Variants in PCDH11X observed in about 807,000 individuals in gnomAD.
PCDH11X encodes protocadherin-11 X-linked.
PCDH11X carries 18 observed loss-of-function variants against 53.3 expected under a neutral mutation model. The ratio of observed to expected loss-of-function variants is 0.34; its 90% CI spans 0.23 to 0.50. The LOEUF is 0.50. Ranked by LOEUF, PCDH11X falls within the 20% of genes least tolerant of loss-of-function variation. The pLI is 0.98. For synonymous variants in PCDH11X, 279 were observed against 393.3 expected (o/e 0.71, Z 3.44); for missense variants, 570 against 1,032.4 (o/e 0.55, Z 6.14).
intron 6 of PCDH11X, among the ~76,000 whole-genome samples, chrX:91,936,080 C>T (rs2061441370): frequency 9.7e-6 from 1 of 103,186 alleles, no homozygotes; most frequent in African/African-American, 3.5e-5. Flanking sequence ...ATGGGTTGAA[C>T]CAGTCTTTCA....
intron 10 of PCDH11X, among the ~76,000 whole-genome samples, chrX:92,482,870 T>A (rs2073539628): frequency 9.0e-6 from 1 of 111,476 alleles, no homozygotes. Flanking sequence ...AGATTGTTAG[T>A]AATAAAGAGG....
intron 6 of PCDH11X, among the ~76,000 whole-genome samples, chrX:92,044,788 A>AG (rs918937532): frequency 4.7e-5 from 5 of 106,216 alleles, no homozygotes; most frequent in Non-Finnish European, 7.6e-5. Context: ...AGACTTAGTA[A>AG]AGGGTTACTA....
Position 92,066,578 on chromosome X carries a change from ATT to A in PCDH11X, c.3034-134795_3034-134794del, listed in dbSNP as rs748474299. On this transcript the variant is annotated intron_variant, in intron 6 of 10. Transcript: ENST00000682573. The stretch of plus-strand genomic sequence containing the variant: ...TCTTTGGATAAGTTAATTCCTAGGT[ATT>A]TCATTTTATTTGTAGCCCTTGTAAA... Among the ~76,000 whole-genome samples, 59 of 110,238 alleles carry A rather than the reference ATT, an allele frequency of 5.4e-4. 1 individual carries two copies. In the Admixed American group the frequency reaches 5.5e-3, roughly 10 times the overall value.
intron 10 of PCDH11X, among the ~76,000 whole-genome samples, chrX:92,528,977 T>C (rs1000462432): frequency 8.1e-5 from 9 of 110,979 alleles, no homozygotes; most frequent in African/African-American, 1.6e-4. Flanking sequence ...TAGATCCACA[T>C]ACTTTAAACA....
intron 6 of PCDH11X, among the ~76,000 whole-genome samples, chrX:92,030,407 A>G (rs1237108986): frequency 9.2e-6 from 1 of 108,827 alleles, no homozygotes; most frequent in Non-Finnish European, 1.9e-5. Flanking sequence ...TAGATGAGAT[A>G]CTTTGATACA....
chrX:92,054,820 C>CAAAAAAAAAAAAAA (rs1174448342), intron 6 of PCDH11X, among the ~76,000 whole-genome samples: 2 of 25,345 alleles, frequency 7.9e-5, no homozygotes, highest in Non-Finnish European at 1.7e-4. Flanking sequence ...AACTCTGTCT[C>CAAAAAAAAAAAAAA]AAAAAAAAAA....
intron 7 of PCDH11X, among the ~76,000 whole-genome samples, chrX:92,262,774 A>G (rs901029576): frequency 3.6e-5 from 4 of 111,624 alleles, no homozygotes; most frequent in Admixed American, 2.9e-4. Flanking sequence ...AAGTGACACC[A>G]TAACAGAATA....
chrX:91,967,938 A>T (rs1236566859), intron 6 of PCDH11X, among the ~76,000 whole-genome samples: 1 of 111,159 alleles, frequency 9.0e-6, no homozygotes, highest in African/African-American at 3.3e-5. Context: ...AGTGATGAGA[A>T]ATTTATACTC....
chrX:92,456,069 C>T (rs1469650224), intron 9 of PCDH11X, among the ~76,000 whole-genome samples: 1 of 111,880 alleles, frequency 8.9e-6, no homozygotes, highest in Admixed American at 9.5e-5. Flanking sequence ...TAAGTGAACA[C>T]TGGTAATTCT....
At chrX:91,981,024 A>T (rs1247257497) in intron 6 of PCDH11X, among the ~76,000 whole-genome samples, 1 of 99,887 alleles carries the variant, frequency 1.0e-5, no homozygotes, top group Non-Finnish European at 2.0e-5. Context: ...TACACTGAAT[A>T]TATATATATA....
Position 92,576,153 on chromosome X carries a change from C to T in PCDH11X, c.3368-42111C>T, listed in dbSNP as rs749259070. ...GTCATTATGCAGCGACTTTCTTTGTCTCTTATAGTTTTTGTCTTGATACCT... is the reference window on the plus strand; with the variant it reads ...GTCATTATGCAGCGACTTTCTTTGTTTCTTATAGTTTTTGTCTTGATACCT... On this transcript the variant is annotated intron_variant, in intron 10 of 10. Transcript: ENST00000682573. 1.4e-3 allele frequency among the ~76,000 whole-genome samples: 146 copies of T among 103,106 alleles called. 1 individual carries two copies. Among genetic ancestry groups the T allele is most frequent in the African/African-American group, 4.7e-3 (135 of 28,513 alleles). The allele number at this position is 103,106 out of a possible 115,157, so 89.5% of individuals were successfully genotyped here.
intron 4 of PCDH11X, among the ~76,000 whole-genome samples, chrX:91,827,515 A>C (rs2147601707): frequency 9.1e-6 from 1 of 110,013 alleles, no homozygotes; most frequent in East Asian, 2.9e-4. Context: ...CATGTTCATC[A>C]TGAAATCTTT....
chrX:91,838,964 G>A (rs1403738286), intron 5 of PCDH11X, among the ~76,000 whole-genome samples: 2 of 112,894 alleles, frequency 1.8e-5, no homozygotes, highest in African/African-American at 6.4e-5. Context: ...AAAGGCATTG[G>A]TGGAAAATAT....
At chrX:92,024,193 G>T (rs917105144) in intron 6 of PCDH11X, among the ~76,000 whole-genome samples, 1 of 110,517 alleles carries the variant, frequency 9.0e-6, no homozygotes, top group Admixed American at 9.8e-5. Flanking sequence ...ATAAATAACG[G>T]TATTCAAATA....
At chrX:91,970,551 A>C (rs1385239353) in intron 6 of PCDH11X, among the ~76,000 whole-genome samples, 1 of 111,228 alleles carries the variant, frequency 9.0e-6, no homozygotes, top group Non-Finnish European at 1.9e-5. Context: ...TTTTACCTAG[A>C]CAGAAAAGTT....
intron 6 of PCDH11X, among the ~76,000 whole-genome samples, chrX:92,096,509 C>G (rs2064139413): frequency 2.8e-5 from 3 of 105,745 alleles, no homozygotes; most frequent in African/African-American, 1.0e-4. Context: ...ATACACATAT[C>G]ATATTGTATT....
chrX:92,060,552 G>A (rs2063509638), intron 6 of PCDH11X, among the ~76,000 whole-genome samples: 2 of 110,017 alleles, frequency 1.8e-5, no homozygotes, highest in African/African-American at 6.7e-5. Flanking sequence ...TGTATTCAAT[G>A]ATTAGCTTCT....
chrX:92,105,542 G>A (rs752956211), intron 6 of PCDH11X, among the ~76,000 whole-genome samples: 5 of 109,482 alleles, frequency 4.6e-5, no homozygotes, highest in Admixed American at 2.0e-4. Context: ...GAGAGTCAGC[G>A]AAGGGAGATA....
intron 10 of PCDH11X, among the ~76,000 whole-genome samples, chrX:92,616,541 G>C (rs982449333): frequency 9.0e-6 from 1 of 111,568 alleles, no homozygotes; most frequent in Non-Finnish European, 1.9e-5. Context: ...GTAGAATTTT[G>C]TGGATCTATT....
Sources: allele counts gnomAD v4.1 joint callset (sites outside exome capture counted in the v4.1 genomes callset), GRCh38; gene constraint gnomAD v4.1.1; transcripts MANE v1.5; gene names NCBI Gene and HGNC (gene_info 2026-07-23, HGNC 2026-07-21).